ZNF45: variants seen among roughly 807,000 people sequenced by gnomAD.
ZNF45 encodes zinc finger protein 45.
In ZNF45, 4 loss-of-function variants were observed where a neutral mutation model predicts 12.0. The ratio of observed to expected loss-of-function variants is 0.33; its 90% CI spans 0.16 to 0.76. ZNF45 has a LOEUF of 0.76. Ranked by LOEUF, ZNF45 falls within the 30% of genes least tolerant of loss-of-function variation. The pLI is 0.60. For missense variants in ZNF45, 700 were observed against 813.0 expected, an observed-to-expected ratio of 0.86 and a Z score of 1.69; for synonymous variants, 272 against 279.6, an observed-to-expected ratio of 0.97 and a Z score of 0.27.
At chr19:43,926,311 G>A (rs1158742741) in intron 3 of ZNF45, 2 of 152,140 alleles carry the variant, frequency 1.3e-5, no homozygotes, top group Non-Finnish European at 2.9e-5. Flanking sequence ...TGCTGTCCTT[G>A]GGCAAGATCA....
intron 9 of ZNF45, among the ~76,000 whole-genome samples, chr19:43,916,808 T>C (rs975406637): frequency 3.9e-5 from 6 of 152,156 alleles, no homozygotes; most frequent in African/African-American, 1.2e-4. Flanking sequence ...AGTTTAAAGG[T>C]TTCACCAGAT....
intron 3 of ZNF45, chr19:43,926,331 T>C (rs1973672897): frequency 2.0e-5 from 3 of 152,224 alleles, no homozygotes; most frequent in Admixed American, 2.0e-4. Flanking sequence ...AGAGTCATCT[T>C]TGGAAGGAAA....
intron 6 of ZNF45, among the ~76,000 whole-genome samples, chr19:43,923,108 G>C (rs1973346990): frequency 6.6e-6 from 1 of 152,164 alleles, no homozygotes; most frequent in African/African-American, 2.4e-5. Context: ...TTACAGGTGT[G>C]AGCCACCACA....
In ZNF45 at chr19:43,919,615, G is replaced by A. The variant is rs145856119; in HGVS notation, c.100C>T (p.Arg34Ter). The A allele has an allele frequency of 6.8e-6, 11 of 1,612,794 alleles. No individual in the cohort carries two copies. Among genetic ancestry groups the A allele is most frequent in the African/African-American group, 1.3e-5 (1 of 74,804 alleles). The change falls in exon 8 of 10, where the codon CGA becomes TGA. Residue 34 changes from arginine to a stop codon, truncating the protein, a stop_gained. Transcript: ENST00000269973. LOFTEE classifies it high-confidence loss of function. ...CTGAAGTTCTCCAGCATCACATCTC[G>A]GTACAGCTTCCTCTGGGCAAGGTCC... ...LLDLAQRKLY[R>*]DVMLENFRNV...
At chr19:43,919,490 C>CA in intron 8 of ZNF45, 83 bp downstream of exon 8, 1 of 1,485,148 alleles carries the variant, frequency 6.7e-7, no homozygotes. Flanking sequence ...AAAACCAGTT[C>CA]AAGAGCTCCA....
At chr19:43,934,735 A>T (rs763885710) in intron 1 of ZNF45, 41 bp from the exon 2 acceptor site, 3 of 152,230 alleles carry the variant, frequency 2.0e-5, no homozygotes, top group Non-Finnish European at 4.4e-5. Context: ...TTGCTGAAAA[A>T]TGAATATTTT....
chr19:43,933,233 G>A (rs1014529985), intron 2 of ZNF45, among the ~76,000 whole-genome samples: 18 of 152,190 alleles, frequency 1.2e-4, no homozygotes, highest in African/African-American at 3.1e-4. Flanking sequence ...TACTTTGGGA[G>A]GCTGAGGTGG....
intron 9 of ZNF45, among the ~76,000 whole-genome samples, chr19:43,917,906 G>T (rs1403298079): frequency 6.6e-6 from 1 of 152,050 alleles, no homozygotes; most frequent in South Asian, 2.1e-4. Context: ...GATATGTTAG[G>T]CCCTTATTAC....
At chr19:43,927,126 G>A (rs763476283) in intron 3 of ZNF45, among the ~76,000 whole-genome samples, 9 of 151,916 alleles carry the variant, frequency 5.9e-5, no homozygotes, top group Non-Finnish European at 5.9e-5. Flanking sequence ...AGATAATTTC[G>A]GTCTCCTAAC....
chr19:43,920,532 G>T (rs557829437), intron 7 of ZNF45, among the ~76,000 whole-genome samples: 1 of 120,906 alleles, frequency 8.3e-6, no homozygotes, highest in Admixed American at 8.6e-5. Flanking sequence ...AGATGTTGCC[G>T]GGTGGGGGGG....
chr19:43,933,148 A>G (rs1974270883), intron 2 of ZNF45, among the ~76,000 whole-genome samples: 1 of 152,186 alleles, frequency 6.6e-6, no homozygotes, highest in Non-Finnish European at 1.5e-5. Flanking sequence ...AAATGAATAT[A>G]ATTGCCCCTC....
chr19:43,919,485 C>A, intron 8 of ZNF45, 88 bp downstream of exon 8: 1 of 1,456,482 alleles, frequency 6.9e-7, no homozygotes, highest in Non-Finnish European at 9.2e-7. Context: ...AACTGAAAAC[C>A]AGTTCAAGAG....
rs957200047 is a variant in ZNF45, at chr19:43,934,453, G to A, written c.-514C>T. Reference sequence around the variant, plus strand: ...TCTCGCACTCGGAACAGAAGAGGAAGGTGAATGCTAGGTCCTGTCACAGTG... The same window carrying A: ...TCTCGCACTCGGAACAGAAGAGGAAAGTGAATGCTAGGTCCTGTCACAGTG... On this transcript the variant is annotated 5_prime_UTR_variant, in exon 2 of 10. Coordinates refer to ENST00000269973, the MANE Select transcript of ZNF45 (RefSeq NM_003425.4). 5 of 152,186 alleles carry A rather than the reference G, an allele frequency of 3.3e-5. No homozygotes were observed. Among genetic ancestry groups the A allele is most frequent in the Non-Finnish European group, 7.3e-5 (5 of 68,034 alleles). 9.4% of individuals were successfully genotyped at this position (152,186 alleles called of 1,614,324 possible).
chr19:43,929,606 T>C (rs1006746729), intron 3 of ZNF45, among the ~76,000 whole-genome samples: 1 of 152,146 alleles, frequency 6.6e-6, no homozygotes, highest in Non-Finnish European at 1.5e-5. Flanking sequence ...AGTATTAAAA[T>C]ACTATTCATT....
intron 9 of ZNF45, among the ~76,000 whole-genome samples, chr19:43,917,768 G>A (rs1022395965): frequency 9.9e-5 from 15 of 152,188 alleles, no homozygotes; most frequent in African/African-American, 3.6e-4. Flanking sequence ...TTACAGGCGT[G>A]AGCCACCATG....
chr19:43,934,600 A>T lies in ZNF45; in HGVS notation c.-661T>A, dbSNP rs2147284216. 6.6e-6 allele frequency: 1 copy of T among 152,284 alleles called. No individual in the cohort carries two copies. The highest frequency in any genetic ancestry group is 2.1e-4 in the South Asian group (1 of 4,824). The allele number at this position is 152,284 out of a possible 1,614,324, so 9.4% of individuals were successfully genotyped here. A position where few individuals can be genotyped will look rare whatever the true frequency, so the allele number is the denominator to read the frequency against. ...TGCACGATCTTGTCTGAGATCCTGG[A>T]AAATCCACAGAGGATAACTCCAGAC... is the stretch of plus-strand genomic sequence containing the variant. On this transcript the variant is annotated 5_prime_UTR_variant, in exon 2 of 10. Transcript: ENST00000269973.
chr19:43,915,531 T>C (rs1568450485), intron 9 of ZNF45, among the ~76,000 whole-genome samples: 1 of 152,224 alleles, frequency 6.6e-6, no homozygotes, highest in Non-Finnish European at 1.5e-5. Context: ...CCCTGGGCCG[T>C]GGATCAGTAC....
chr19:43,929,833 C>G (rs1413015720), intron 3 of ZNF45: 1 of 152,186 alleles, frequency 6.6e-6, no homozygotes, highest in Non-Finnish European at 1.5e-5. Context: ...ACAAAATCAA[C>G]CTACCATGGC....
intron 6 of ZNF45, among the ~76,000 whole-genome samples, chr19:43,923,426 ATTG>A (rs879517883): frequency 2.0e-5 from 3 of 152,092 alleles, no homozygotes; most frequent in Non-Finnish European, 4.4e-5. Flanking sequence ...ATTATAAGTT[ATTG>A]TTGTTAGTCT....
Sources: allele counts gnomAD v4.1 joint callset (sites outside exome capture counted in the v4.1 genomes callset), GRCh38; gene constraint gnomAD v4.1.1; transcripts MANE v1.5; gene names NCBI Gene and HGNC (gene_info 2026-07-23, HGNC 2026-07-21).